CAST: variants seen among roughly 807,000 people sequenced by gnomAD.
CAST encodes MIR583 host.
A neutral mutation model predicts 119.6 loss-of-function variants in CAST; 76 were observed. That is an observed-to-expected ratio of 0.64 (90% CI 0.53 to 0.77). CAST has a LOEUF of 0.77. Ranked by LOEUF, CAST falls within the 30% of genes least tolerant of loss-of-function variation. The pLI is 0.00. For synonymous variants in CAST, 319 were observed against 331.6 expected, an observed-to-expected ratio of 0.96 and a Z score of 0.41; for missense variants, 953 against 946.5, an observed-to-expected ratio of 1.01 and a Z score of -0.09.
the CAST span, among the ~76,000 whole-genome samples, chr5:96,271,327 A>G: frequency 6.6e-6 from 1 of 152,246 alleles, no homozygotes; most frequent in Non-Finnish European, 1.5e-5. Context: ...AGCTGTAGGC[A>G]TCACACTACC....
rs1757130631 is a variant in CAST at position 96,716,026 on chromosome 5, CTTAATAA to C, written c.211-6608_211-6602del. On this transcript the variant is annotated intron_variant, in intron 3 of 31. Transcript: ENST00000675179. ...TCTCTTTAAAAGCACCATTATTATA[CTTAATAA>C]TTAAAGGGATTGTAAGAATGTATGT... Among the ~76,000 whole-genome samples, 9 of 152,272 alleles carry C rather than the reference CTTAATAA, an allele frequency of 5.9e-5. No homozygotes were observed. In the South Asian group the frequency reaches 1.9e-3, roughly 32 times the overall value.
At chr5:96,139,306 C>G in the CAST span, among the ~76,000 whole-genome samples, 7 of 151,762 alleles carry the variant, frequency 4.6e-5, no homozygotes, top group South Asian at 4.2e-4. Flanking sequence ...CCCTTTATTT[C>G]TCTCTCCAAT....
At chr5:96,302,521 A>ATAAG in the CAST span, among the ~76,000 whole-genome samples, 1 of 152,180 alleles carries the variant, frequency 6.6e-6, no homozygotes, top group Non-Finnish European at 1.5e-5. Flanking sequence ...CCTTTTAAAT[A>ATAAG]TAAGTTCCAC....
the CAST span, among the ~76,000 whole-genome samples, chr5:96,143,104 C>A: frequency 2.0e-5 from 3 of 152,106 alleles, no homozygotes; most frequent in Non-Finnish European, 4.4e-5. Context: ...GATATTGTAA[C>A]AACTAAAAGT....
At chr5:96,064,464 C>G in the CAST span, among the ~76,000 whole-genome samples, 3 of 71,954 alleles carry the variant, frequency 4.2e-5, no homozygotes, top group African/African-American at 1.0e-4. Flanking sequence ...GAATGATAGG[C>G]AAAAGTATGT....
chr5:96,348,396 G>GAGAT, the CAST span, among the ~76,000 whole-genome samples: 6 of 151,882 alleles, frequency 4.0e-5, no homozygotes. Flanking sequence ...GGGAGAGAGA[G>GAGAT]AGAGAGAGGG....
chr5:96,437,841 T>C, the CAST span, among the ~76,000 whole-genome samples: 1 of 152,220 alleles, frequency 6.6e-6, no homozygotes, highest in South Asian at 2.1e-4. Flanking sequence ...AGGCAATTCC[T>C]GGTCTCCCAA....
chr5:96,440,763 A>G, the CAST span, among the ~76,000 whole-genome samples: 3 of 152,232 alleles, frequency 2.0e-5, no homozygotes, highest in Non-Finnish European at 4.4e-5. Flanking sequence ...TCATGGGTGC[A>G]ATGGTTGATG....
the CAST span, among the ~76,000 whole-genome samples, chr5:96,481,378 T>A: frequency 2.6e-5 from 4 of 152,218 alleles, no homozygotes; most frequent in Non-Finnish European, 4.4e-5. Context: ...AATAAATATG[T>A]TGATATCTAA....
chr5:96,356,684 T>C, the CAST span, among the ~76,000 whole-genome samples: 1 of 152,200 alleles, frequency 6.6e-6, no homozygotes, highest in Non-Finnish European at 1.5e-5. Flanking sequence ...TCTGTTCCAT[T>C]GGTTATATAT....
the CAST span, among the ~76,000 whole-genome samples, chr5:96,093,527 G>T: frequency 6.6e-6 from 1 of 152,204 alleles, no homozygotes; most frequent in Non-Finnish European, 1.5e-5. Flanking sequence ...AAGCCCAGCT[G>T]GTAGGGTGCT....
chr5:96,021,572 A>C, the CAST span, among the ~76,000 whole-genome samples: 4 of 151,980 alleles, frequency 2.6e-5, no homozygotes, highest in African/African-American at 7.3e-5. Context: ...CAGCCTCCCA[A>C]GTAGCTGGGA....
At chr5:96,718,767 CA>C (rs1349170513) in intron 3 of CAST, among the ~76,000 whole-genome samples, 1 of 152,112 alleles carries the variant, frequency 6.6e-6, no homozygotes, top group African/African-American at 2.4e-5. Context: ...CCTCAACAAA[CA>C]AAGACAGATT....
the CAST span, among the ~76,000 whole-genome samples, chr5:96,035,751 C>A: frequency 1.0e-4 from 11 of 107,672 alleles, no homozygotes; most frequent in African/African-American, 3.3e-4. Context: ...CCGTGTGTGT[C>A]TGTGTGTTTG....
chr5:96,272,670 A>T, the CAST span, among the ~76,000 whole-genome samples: 1 of 152,146 alleles, frequency 6.6e-6, no homozygotes, highest in Non-Finnish European at 1.5e-5. Flanking sequence ...AAGAAATAAG[A>T]TGTAGTGTTT....
the CAST span, among the ~76,000 whole-genome samples, chr5:96,503,465 A>T: frequency 6.6e-6 from 1 of 152,152 alleles, no homozygotes; most frequent in South Asian, 2.1e-4. Flanking sequence ...TGCCCCCATT[A>T]AAAAGAAAAA....
the CAST span, among the ~76,000 whole-genome samples, chr5:96,498,104 T>C: frequency 6.6e-6 from 1 of 152,230 alleles, no homozygotes; most frequent in African/African-American, 2.4e-5. Context: ...CCCAGCACCA[T>C]TTATTAAATA....
chr5:96,641,015 C>G (rs929897826), intron 1 of CAST, among the ~76,000 whole-genome samples: 1 of 152,076 alleles, frequency 6.6e-6, no homozygotes, highest in Non-Finnish European at 1.5e-5. Flanking sequence ...ATAAATATTG[C>G]AAAAGCATAC....
At chr5:96,357,452 G>A in the CAST span, among the ~76,000 whole-genome samples, 1 of 152,148 alleles carries the variant, frequency 6.6e-6, no homozygotes, top group Non-Finnish European at 1.5e-5. Context: ...CATTCAGTAC[G>A]ATATTGGCTG....
Sources: gnomAD v4.1 joint callset for allele counts (sites outside exome capture counted in the v4.1 genomes callset) on GRCh38, gnomAD v4.1.1 for gene constraint, MANE v1.5 for transcripts, NCBI Gene and HGNC (gene_info 2026-07-23, HGNC 2026-07-21) for gene names.